ERBB4: variants seen among roughly 807,000 people sequenced by gnomAD.
The protein encoded by ERBB4 is erb-b2 receptor tyrosine kinase 4, also known as receptor tyrosine-protein kinase erbB-4.
A neutral mutation model predicts 158.0 loss-of-function variants in ERBB4; 42 were observed. That is an observed-to-expected ratio of 0.27 (90% CI 0.21 to 0.34). The LOEUF (loss-of-function observed/expected upper bound fraction) is 0.34. Among genes scored for constraint, ERBB4 ranks in the 10% least tolerant of loss-of-function variants. The probability of loss-of-function intolerance (pLI) is 1.00; values close to 1 mark genes in which losing one functional copy is unlikely to be tolerated. For synonymous variants in ERBB4, 583 were observed against 558.7 expected (o/e 1.04, Z -0.61); for missense variants, 1,333 against 1,624.1 (o/e 0.82, Z 3.08).
At position 212,154,332 on chromosome 2, in the gene ERBB4, A is replaced by C. The variant is rs551411107; in HGVS notation, c.83-29429T>G. 5.3e-5 allele frequency among the ~76,000 whole-genome samples: 8 copies of C among 152,280 alleles called. No homozygotes were observed. The South Asian group carries it at 1.0e-3, about 20-fold the overall frequency. On this transcript the variant is annotated intron_variant, in intron 1 of 27. Coordinates refer to ENST00000342788, the MANE Select transcript of ERBB4 (RefSeq NM_005235.3). ...GCCAGCCCTGCCTTAATATACAAGG[A>C]AATTATTGATTTTTCTATAAATTAA...
intron 5 of ERBB4, among the ~76,000 whole-genome samples, chr2:211,742,792 C>T (rs1170233849): frequency 2.6e-5 from 4 of 151,322 alleles, no homozygotes; most frequent in Non-Finnish European, 5.9e-5. Context: ...TTTATTTTGC[C>T]AGTGTAGTAC....
intron 2 of ERBB4, among the ~76,000 whole-genome samples, chr2:212,012,001 G>A (rs2076399459): frequency 1.3e-5 from 2 of 152,126 alleles, no homozygotes; most frequent in Non-Finnish European, 1.5e-5. Context: ...TTCGGTTACC[G>A]TGAAGAATAA....
chr2:211,651,645 CA>C (rs1295808083), intron 16 of ERBB4, among the ~76,000 whole-genome samples: 1 of 114,672 alleles, frequency 8.7e-6, no homozygotes, highest in Non-Finnish European at 1.7e-5. Flanking sequence ...CTAGGAGATT[CA>C]AAGAATAAGA....
intron 19 of ERBB4, among the ~76,000 whole-genome samples, chr2:211,598,976 A>C (rs1486992990): frequency 6.6e-6 from 1 of 152,202 alleles, no homozygotes; most frequent in African/African-American, 2.4e-5. Flanking sequence ...TTGGACCTGC[A>C]TCCACCCTCT....
chr2:212,265,305 T>C (rs1272108765), intron 1 of ERBB4, among the ~76,000 whole-genome samples: 1 of 152,168 alleles, frequency 6.6e-6, no homozygotes, highest in Admixed American at 6.6e-5. Context: ...GCAATCATTT[T>C]ATGCTGTCTG....
At chr2:211,477,439 T>C (rs1233690049) in intron 20 of ERBB4, among the ~76,000 whole-genome samples, 2 of 152,128 alleles carry the variant, frequency 1.3e-5, no homozygotes, top group Non-Finnish European at 2.9e-5. Flanking sequence ...AGAGACAGAA[T>C]ATACAAAAGG....
At chr2:212,050,291 C>A (rs2077366211) in intron 2 of ERBB4, among the ~76,000 whole-genome samples, 1 of 152,138 alleles carries the variant, frequency 6.6e-6, no homozygotes, top group Admixed American at 6.5e-5. Context: ...ATTTCTGTAT[C>A]CATAACCACT....
chr2:211,587,488 G>A (rs887784762), intron 19 of ERBB4, among the ~76,000 whole-genome samples: 1 of 152,188 alleles, frequency 6.6e-6, no homozygotes, highest in African/African-American at 2.4e-5. Context: ...GAGGATTGCA[G>A]CGATGCGGCC....
At chr2:211,498,056 AAAG>A (rs1031733534) in intron 20 of ERBB4, among the ~76,000 whole-genome samples, 2 of 152,080 alleles carry the variant, frequency 1.3e-5, no homozygotes, top group Non-Finnish European at 2.9e-5. Context: ...TGTTTTTAAT[AAAG>A]AAGATGCCAG....
intron 1 of ERBB4, among the ~76,000 whole-genome samples, chr2:212,377,201 A>G (rs2090352915): frequency 6.8e-6 from 1 of 147,782 alleles, no homozygotes; most frequent in Non-Finnish European, 1.5e-5. Flanking sequence ...CCTGGCAAAT[A>G]TATATATATA....
At chr2:211,766,998 C>T (rs980419619) in intron 4 of ERBB4, among the ~76,000 whole-genome samples, 1 of 152,192 alleles carries the variant, frequency 6.6e-6, no homozygotes, top group Non-Finnish European at 1.5e-5. Context: ...TGGTTGGGGG[C>T]CACCACTTCA....
chr2:211,899,990 C>T (rs2079191637), intron 3 of ERBB4, among the ~76,000 whole-genome samples: 1 of 151,980 alleles, frequency 6.6e-6, no homozygotes, highest in Non-Finnish European at 1.5e-5. Flanking sequence ...CTTGAGCACC[C>T]CTCCTGTTAA....
chr2:212,472,976 A>T (rs1454699953), intron 1 of ERBB4, among the ~76,000 whole-genome samples: 2 of 151,928 alleles, frequency 1.3e-5, no homozygotes, highest in Non-Finnish European at 2.9e-5. Flanking sequence ...AATTCTTCTT[A>T]CTTCATTAAG....
chr2:212,442,652 G>A (rs1419677251), intron 1 of ERBB4, among the ~76,000 whole-genome samples: 1 of 145,262 alleles, frequency 6.9e-6, no homozygotes, highest in Non-Finnish European at 1.5e-5. Context: ...TCATCCTGCA[G>A]TCAATTTTCC....
At chr2:212,043,015 T>C (rs151178450) in intron 2 of ERBB4, among the ~76,000 whole-genome samples, 126 of 152,284 alleles carry the variant, frequency 8.3e-4, no homozygotes, top group Middle Eastern at 3.4e-3. Flanking sequence ...GGAAAATCTA[T>C]TGAGTACTAC....
At chr2:212,451,843 C>T (rs2106025124) in intron 1 of ERBB4, among the ~76,000 whole-genome samples, 1 of 152,104 alleles carries the variant, frequency 6.6e-6, no homozygotes, top group South Asian at 2.1e-4. Flanking sequence ...CTAGTTGCTA[C>T]AGGGCGCAGC....
At chr2:212,528,990 C>T (rs533148781) in intron 1 of ERBB4, among the ~76,000 whole-genome samples, 2 of 152,120 alleles carry the variant, frequency 1.3e-5, no homozygotes, top group African/African-American at 4.8e-5. Context: ...CTATCTGGAA[C>T]CCTTTTTCAT....
chr2:211,987,330 C>CAAAAAAAAAAAAA (rs564412801), intron 2 of ERBB4, among the ~76,000 whole-genome samples: 16 of 56,176 alleles, frequency 2.8e-4, no homozygotes, highest in East Asian at 7.8e-4. Context: ...CAAGAAAAGA[C>CAAAAAAAAAAAAA]AAAAAAAAAA....
At chr2:211,755,791 G>T (rs1424918759) in intron 4 of ERBB4, among the ~76,000 whole-genome samples, 1 of 152,138 alleles carries the variant, frequency 6.6e-6, no homozygotes, top group African/African-American at 2.4e-5. Flanking sequence ...CCTGCATGTG[G>T]GATTCACTGT....
Sources: allele counts gnomAD v4.1 joint callset (sites outside exome capture counted in the v4.1 genomes callset), GRCh38; gene constraint gnomAD v4.1.1; transcripts MANE v1.5; gene names NCBI Gene and HGNC (gene_info 2026-07-23, HGNC 2026-07-21).